LAMC2: variants seen among roughly 807,000 people sequenced by gnomAD.
LAMC2 encodes laminin subunit gamma-2.
LAMC2 carries 97 observed loss-of-function variants against 140.2 expected under a neutral mutation model. The observed-to-expected ratio is 0.69, with a 90% confidence interval of 0.59 to 0.82. The LOEUF is 0.82. Ranked by LOEUF, LAMC2 falls within the 40% of genes least tolerant of loss-of-function variation. The pLI is 0.00. For missense variants in LAMC2, 1,402 were observed against 1,476.1 expected, an observed-to-expected ratio of 0.95 and a Z score of 0.82; for synonymous variants, 513 against 540.2, an observed-to-expected ratio of 0.95 and a Z score of 0.70.
intron 2 of LAMC2, among the ~76,000 whole-genome samples, chr1:183,213,948 C>T (rs1022422063): frequency 6.6e-6 from 1 of 151,836 alleles, no homozygotes; most frequent in African/African-American, 2.4e-5. Context: ...GCCTGTAATC[C>T]CAGCTACTTG....
intron 1 of LAMC2, 49 bp from the exon 2 acceptor site, chr1:183,207,832 G>GGT (rs757567511): frequency 6.2e-6 from 7 of 1,131,508 alleles, no homozygotes; most frequent in Non-Finnish European, 6.5e-6. Flanking sequence ...CAGTTCCTGA[G>GGT]GTGTTTTTTT....
chr1:183,215,003 T>C (rs1363417121), intron 2 of LAMC2, among the ~76,000 whole-genome samples: 1 of 152,184 alleles, frequency 6.6e-6, no homozygotes, highest in Non-Finnish European at 1.5e-5. Context: ...TAGCCCTTTT[T>C]ATGCTCTTAA....
chr1:183,201,347 G>A (rs753580314), intron 1 of LAMC2, among the ~76,000 whole-genome samples: 7 of 151,876 alleles, frequency 4.6e-5, no homozygotes, highest in African/African-American at 9.7e-5. Context: ...GCCAGATCCC[G>A]AACCCATACC....
rs780717704 is a variant in LAMC2, at chr1:183,236,504, C to A, written c.2501C>A (p.Ala834Asp). The A allele has an allele frequency of 6.2e-7, 1 of 1,613,942 alleles. No homozygotes were observed. ...CTGGCCCAGCAGTTGACAAGGGAGG[C>A]CACTCAAGCGGAAATTGAAGCAGAT... is the stretch of plus-strand genomic sequence containing the variant. Reference protein sequence around the residue: ...KSLAQQLTREATQAEIEADRS... With the variant: ...KSLAQQLTREDTQAEIEADRS... The change falls in exon 17 of 23, where the codon GCC (alanine) becomes GAC (aspartate). Residue 834 changes from alanine (A) to aspartate (D), a missense_variant. This residue lies in a region of LAMC2 where 670 missense variants were observed against 667.2 expected (regional missense o/e 1.00). Transcript: ENST00000264144.
downstream of LAMC2, chr1:183,249,445 C>A (rs200643389): frequency 6.6e-6 from 1 of 152,150 alleles, no homozygotes; most frequent in African/African-American, 2.4e-5. Context: ...CATGATTGTT[C>A]CAGTCCATGC....
chr1:183,216,115 T>A (rs925883952), intron 3 of LAMC2, among the ~76,000 whole-genome samples: 2 of 152,200 alleles, frequency 1.3e-5, no homozygotes, highest in African/African-American at 4.8e-5. Flanking sequence ...AGTGTTGGGA[T>A]GGCTTGGCAG....
chr1:183,197,041 A>G (rs1384694074), intron 1 of LAMC2, among the ~76,000 whole-genome samples: 1 of 152,236 alleles, frequency 6.6e-6, no homozygotes, highest in Non-Finnish European at 1.5e-5. Flanking sequence ...GAAACTACAG[A>G]ATATTAAGCA....
At chr1:183,205,809 G>T (rs983583197) in intron 1 of LAMC2, among the ~76,000 whole-genome samples, 7 of 152,030 alleles carry the variant, frequency 4.6e-5, no homozygotes, top group Non-Finnish European at 8.8e-5. Context: ...AGGGGTGTGT[G>T]TGTGTGTGTG....
At chr1:183,237,738 T>A (rs1480638096) in intron 18 of LAMC2, among the ~76,000 whole-genome samples, 1 of 152,036 alleles carries the variant, frequency 6.6e-6, no homozygotes, top group Non-Finnish European at 1.5e-5. Flanking sequence ...AATAAAAAAA[T>A]AGCTGTGCAT....
At chr1:183,257,024 T>C in the LAMC2 span, among the ~76,000 whole-genome samples, 1 of 152,086 alleles carries the variant, frequency 6.6e-6, no homozygotes, top group Non-Finnish European at 1.5e-5. Context: ...AGTGCTAGGA[T>C]TACAGGCATG....
In LAMC2 at chr1:183,223,138, A is replaced by G. The variant is rs369832570; in HGVS notation, c.767A>G (p.Lys256Arg). The G allele has an allele frequency of 2.3e-5, 37 of 1,614,020 alleles. No individual in the cohort carries two copies. The highest frequency in any genetic ancestry group is 3.3e-4 in the Middle Eastern group (2 of 6,054). The part of the protein sequence containing the change: ...LDPVYFVAPA[K>R]FLGNQQVSYG... ...CTTTTAAAACTCTGTTTCACAGCCA[A>G]ATTTCTTGGGAATCAACAGGTGAGC... Residue 256 changes from lysine to arginine, a missense_variant, in exon 7 of 23, where the codon AAA becomes AGA. Physicochemically the swap from Lys to Arg is conservative, Grantham distance 26. Transcript: ENST00000264144.
chr1:183,233,730 A>G (rs1659864434), intron 14 of LAMC2, among the ~76,000 whole-genome samples: 1 of 151,548 alleles, frequency 6.6e-6, no homozygotes, highest in Non-Finnish European at 1.5e-5. Context: ...ATATATTTTT[A>G]TTTTTATTTT....
chr1:183,237,863 G>A (rs541718997), intron 18 of LAMC2, among the ~76,000 whole-genome samples: 3 of 152,164 alleles, frequency 2.0e-5, no homozygotes, highest in Non-Finnish European at 2.9e-5. Flanking sequence ...TCCAGCCTGG[G>A]TGACAGAGCA....
At chr1:183,223,450 T>C (rs759778806) in intron 7 of LAMC2, 126 bp downstream of exon 7, 8 of 864,246 alleles carry the variant, frequency 9.3e-6, no homozygotes, top group East Asian at 2.6e-5. Flanking sequence ...TTACGTACCA[T>C]GAAGGTTGCT....
intron 1 of LAMC2, among the ~76,000 whole-genome samples, chr1:183,192,358 C>T (rs766220908): frequency 1.3e-5 from 2 of 152,200 alleles, no homozygotes; most frequent in African/African-American, 4.8e-5. Flanking sequence ...AAAACTTGGA[C>T]AAATCATCCA....
rs113727203 is a variant in LAMC2, at chr1:183,186,349, C to G, written c.-4C>G. On this transcript the variant is annotated 5_prime_UTR_variant, in exon 1 of 23. Coordinates refer to ENST00000264144, the MANE Select transcript of LAMC2 (RefSeq NM_005562.3). ...AGACAGAGACTGAGCGGCCCGGCCC[C>G]GCCATGCCTGCGCTCTGGCTGGGCT... is the stretch of plus-strand genomic sequence containing the variant. 9 of 1,597,864 alleles carry G rather than the reference C, an allele frequency of 5.6e-6. No homozygotes were observed. The highest frequency in any genetic ancestry group is 5.6e-5 in the South Asian group (5 of 89,482).
downstream of LAMC2, among the ~76,000 whole-genome samples, chr1:183,246,067 G>A (rs1660235933): frequency 6.6e-6 from 1 of 152,014 alleles, no homozygotes; most frequent in South Asian, 2.1e-4. Context: ...CTACTTGAGA[G>A]GCTGAGGCAG....
chr1:183,235,483 G>T (rs1027709008), intron 15 of LAMC2, 92 bp from the exon 16 acceptor site: 109 of 1,389,238 alleles, frequency 7.8e-5, no homozygotes, highest in Admixed American at 6.2e-4. Flanking sequence ...AATCAGACCA[G>T]CTCCCGTACT....
At chr1:183,223,447 CCATGAAGGTTGCTAT>C in intron 7 of LAMC2, 123 bp downstream of exon 7, 1 of 888,704 alleles carries the variant, frequency 1.1e-6, no homozygotes, top group Non-Finnish European at 1.8e-6. Flanking sequence ...CTTTTACGTA[CCATGAAGGTTGCTAT>C]GTGCTGAGAA....
Sources: gnomAD v4.1 joint callset for allele counts (sites outside exome capture counted in the v4.1 genomes callset) on GRCh38, gnomAD v4.1.1 for gene constraint, gnomAD v4.1.1 regional missense constraint, MANE v1.5 for transcripts, NCBI Gene and HGNC (gene_info 2026-07-23, HGNC 2026-07-21) for gene names.